Variants in KCTD16 observed in about 807,000 individuals in gnomAD.
The protein encoded by KCTD16 is BTB/POZ domain-containing protein KCTD16.
In KCTD16, 13 loss-of-function variants were observed where a neutral mutation model predicts 33.2. The observed-to-expected ratio is 0.39, with a 90% CI of 0.25 to 0.62. The LOEUF (loss-of-function observed/expected upper bound fraction) is 0.62. KCTD16 is among the 20% of genes least tolerant of loss of function. The pLI, the probability that KCTD16 is intolerant of heterozygous loss-of-function variation, is 0.50. For missense variants in KCTD16, 441 were observed against 525.1 expected (o/e 0.84, Z 1.57); for synonymous variants, 197 against 195.3 (o/e 1.01, Z -0.07).
chr5:144,423,798 G>T (rs1357801718), intron 3 of KCTD16, among the ~76,000 whole-genome samples: 2 of 152,080 alleles, frequency 1.3e-5, no homozygotes, highest in East Asian at 1.9e-4. Context: ...GAGAAAAAAA[G>T]TAATAAATAA....
chr5:144,339,446 C>A (rs1752572479), intron 3 of KCTD16, among the ~76,000 whole-genome samples: 1 of 152,178 alleles, frequency 6.6e-6, no homozygotes, highest in Admixed American at 6.5e-5. Flanking sequence ...TCTCTCTCTG[C>A]CCTTCTACTC....
At chr5:144,277,398 G>A (rs1185677325) in intron 3 of KCTD16, among the ~76,000 whole-genome samples, 1 of 152,134 alleles carries the variant, frequency 6.6e-6, no homozygotes, top group Non-Finnish European at 1.5e-5. Context: ...TCCTCTTGTA[G>A]GGTGCACACT....
intron 3 of KCTD16, among the ~76,000 whole-genome samples, chr5:144,320,892 G>A (rs1561566141): frequency 6.6e-6 from 1 of 152,022 alleles, no homozygotes; most frequent in East Asian, 1.9e-4. Context: ...TTTCACTCTT[G>A]TTGTCCAGGC....
At chr5:144,469,518 A>G (rs927292205) in intron 3 of KCTD16, among the ~76,000 whole-genome samples, 1 of 152,232 alleles carries the variant, frequency 6.6e-6, no homozygotes, top group African/African-American at 2.4e-5. Flanking sequence ...GCATTGTAGT[A>G]AAACAAAGAT....
chr5:144,455,249 G>A, intron 3 of KCTD16, among the ~76,000 whole-genome samples: 1 of 152,010 alleles, frequency 6.6e-6, no homozygotes, highest in East Asian at 1.9e-4. Context: ...ACTTCCTTCT[G>A]CTTCCACATG....
At chr5:144,257,757 G>T (rs1754892401) in intron 3 of KCTD16, among the ~76,000 whole-genome samples, 1 of 152,152 alleles carries the variant, frequency 6.6e-6, no homozygotes, top group African/African-American at 2.4e-5. Context: ...AAAGTGCTGG[G>T]ATTACAGGCG....
chr5:144,300,356 C>A (rs1207998236), intron 3 of KCTD16, among the ~76,000 whole-genome samples: 3 of 152,144 alleles, frequency 2.0e-5, no homozygotes, highest in African/African-American at 7.2e-5. Context: ...TATCTCTTCT[C>A]CCGAATTCTT....
chr5:144,228,799 G>C lies in KCTD16; in HGVS notation c.832+21253G>C, dbSNP rs1027720089. Among the ~76,000 whole-genome samples the C allele has an allele frequency of 2.6e-5, 4 of 152,124 alleles. No individual in the cohort carries two copies. In the East Asian group the frequency reaches 5.8e-4, roughly 22 times the overall value. On this transcript the variant is annotated intron_variant, in intron 3 of 3. Transcript: ENST00000512467. ...CCTTGTCAGTTCATCTATCATGACA[G>C]GATCTATGAATATTGAATAGATATG...
chr5:144,402,160 A>G (rs953501932), intron 3 of KCTD16, among the ~76,000 whole-genome samples: 2 of 152,200 alleles, frequency 1.3e-5, no homozygotes, highest in South Asian at 2.1e-4. Context: ...CCCCTTGCAT[A>G]TGCAGTGCCC....
chr5:144,375,403 C>A (rs758975980), intron 3 of KCTD16, among the ~76,000 whole-genome samples: 5 of 152,222 alleles, frequency 3.3e-5, no homozygotes, highest in Admixed American at 6.5e-5. Flanking sequence ...AATATGTGAT[C>A]TAGTTCTCAT....
At chr5:144,326,673 G>A (rs1207810974) in intron 3 of KCTD16, among the ~76,000 whole-genome samples, 1 of 150,874 alleles carries the variant, frequency 6.6e-6, no homozygotes, top group African/African-American at 2.4e-5. Flanking sequence ...CTAGTTGAAA[G>A]ATCAGTTTGT....
rs527428039 is a variant in KCTD16, at chr5:144,304,660, AT to A, written c.832+97115del. On this transcript the variant is annotated intron_variant, in intron 3 of 3. Transcript: ENST00000512467. ...GAGACATGATTGGGGATGAGGCAGA[AT>A]AATGACTTGCACCGTCCAGTGGCAA... is the stretch of plus-strand genomic sequence containing the variant. 3.3e-3 allele frequency among the ~76,000 whole-genome samples: 497 copies of A among 152,304 alleles called. 4 individuals are homozygous for A. Among genetic ancestry groups the A allele is most frequent in the African/African-American group, 0.011 (478 of 41,578 alleles).
At chr5:144,230,838 G>A (rs369732022) in intron 3 of KCTD16, among the ~76,000 whole-genome samples, 34 of 152,328 alleles carry the variant, frequency 2.2e-4, no homozygotes, top group Middle Eastern at 3.4e-3. Context: ...AAGTAATGTC[G>A]TATAGAATAA....
chr5:144,181,089 C>G lies in KCTD16; in HGVS notation c.-327+6617C>G, dbSNP rs547450307. ...CTGGGACTACAGGCGCCCACCACCA[C>G]GCCCGGCTAATTTTTTGTATTTTTT... On this transcript the variant is annotated intron_variant, in intron 2 of 3. Transcript: ENST00000512467. Among the ~76,000 whole-genome samples, 639 of 152,116 alleles carry G rather than the reference C, an allele frequency of 4.2e-3. 2 individuals carry two copies. Among genetic ancestry groups the G allele is most frequent in the African/African-American group, 0.015 (618 of 41,518 alleles).
chr5:144,300,370 A>G (rs569355718), intron 3 of KCTD16, among the ~76,000 whole-genome samples: 1 of 152,176 alleles, frequency 6.6e-6, no homozygotes, highest in African/African-American at 2.4e-5. Context: ...AATTCTTGCA[A>G]TCTGTCCTGA....
intron 3 of KCTD16, among the ~76,000 whole-genome samples, chr5:144,246,752 C>T (rs1249907432): frequency 6.6e-6 from 1 of 152,182 alleles, no homozygotes; most frequent in Non-Finnish European, 1.5e-5. Flanking sequence ...CCTCCTCCTT[C>T]TTCTTCATCA....
At chr5:144,399,969 T>C (rs139314611) in intron 3 of KCTD16, among the ~76,000 whole-genome samples, 2 of 152,298 alleles carry the variant, frequency 1.3e-5, no homozygotes, top group African/African-American at 4.8e-5. Flanking sequence ...ATGCTCCTAT[T>C]TTCCCATTTC....
intron 3 of KCTD16, among the ~76,000 whole-genome samples, chr5:144,242,904 G>C (rs1436901533): frequency 6.6e-6 from 1 of 152,094 alleles, no homozygotes; most frequent in Non-Finnish European, 1.5e-5. Flanking sequence ...TCTAATATTG[G>C]GGATCAAACG....
intron 3 of KCTD16, among the ~76,000 whole-genome samples, chr5:144,247,865 A>G (rs1443932687): frequency 6.6e-6 from 1 of 152,060 alleles, no homozygotes; most frequent in Non-Finnish European, 1.5e-5. Flanking sequence ...CTACTTCTCT[A>G]ATTTTCCCAC....
Sources: gnomAD v4.1 joint callset for allele counts (sites outside exome capture counted in the v4.1 genomes callset) on GRCh38, gnomAD v4.1.1 for gene constraint, MANE v1.5 for transcripts, NCBI Gene and HGNC (gene_info 2026-07-23, HGNC 2026-07-21) for gene names.